Variants in PHACTR3 observed in about 807,000 individuals in gnomAD.
PHACTR3 encodes protein phosphatase 1, regulatory subunit 123.
A neutral mutation model predicts 66.8 loss-of-function variants in PHACTR3; 16 were observed. The observed-to-expected ratio is 0.24, with a 90% CI of 0.16 to 0.36. The LOEUF (loss-of-function observed/expected upper bound fraction) is 0.36. Ranked by LOEUF, PHACTR3 falls within the 10% of genes least tolerant of loss-of-function variation. The pLI, the probability that PHACTR3 is intolerant of heterozygous loss-of-function variation, is 1.00. For missense variants in PHACTR3, 647 were observed against 719.9 expected (o/e 0.90, Z 1.16); for synonymous variants, 323 against 292.1 (o/e 1.11, Z -1.08).
At chr20:59,749,242 A>T (rs1440439256) in intron 3 of PHACTR3, among the ~76,000 whole-genome samples, 2 of 152,174 alleles carry the variant, frequency 1.3e-5, no homozygotes, top group African/African-American at 4.8e-5. Context: ...ATACCTTTGG[A>T]TCTTAGGGAA....
At chr20:59,804,959 C>A (rs1411630122) in intron 7 of PHACTR3, among the ~76,000 whole-genome samples, 1 of 152,156 alleles carries the variant, frequency 6.6e-6, no homozygotes, top group Non-Finnish European at 1.5e-5. Flanking sequence ...ACTTGAGCCC[C>A]CAGGAATTAA....
chr20:59,671,684 G>C (rs553651027), intron 1 of PHACTR3, among the ~76,000 whole-genome samples: 1 of 152,250 alleles, frequency 6.6e-6, no homozygotes, highest in South Asian at 2.1e-4. Flanking sequence ...GAATTGTCCA[G>C]CTGTGATATT....
intron 7 of PHACTR3, among the ~76,000 whole-genome samples, chr20:59,795,346 A>T (rs2041221120): frequency 6.6e-6 from 1 of 152,122 alleles, no homozygotes; most frequent in Non-Finnish European, 1.5e-5. Flanking sequence ...TAGTCAAAGA[A>T]GATACTTGAT....
intron 1 of PHACTR3, among the ~76,000 whole-genome samples, chr20:59,645,133 C>T (rs2035238231): frequency 6.6e-6 from 1 of 151,542 alleles, no homozygotes; most frequent in Non-Finnish European, 1.5e-5. Context: ...TTTTCTATTT[C>T]TGCGTTAATT....
At chr20:59,808,502 T>A (rs1272843721) in intron 8 of PHACTR3, among the ~76,000 whole-genome samples, 2 of 152,182 alleles carry the variant, frequency 1.3e-5, no homozygotes, top group African/African-American at 4.8e-5. Flanking sequence ...CTGGGCTTGG[T>A]AGACAGTGCC....
rs890756056 is a variant in PHACTR3 at position 59,604,697 on chromosome 20, C to T, written c.-318C>T. 1.9e-6 allele frequency: 2 copies of T among 1,031,030 alleles called. No individual in the cohort carries two copies. The highest frequency in any genetic ancestry group is 1.7e-5 in the African/African-American group (1 of 57,700). 63.9% of individuals were successfully genotyped at this position (1,031,030 alleles called of 1,614,324 possible). A position where few individuals can be genotyped will look rare whatever the true frequency, so the allele number is the denominator to read the frequency against. On this transcript the variant is annotated 5_prime_UTR_variant, in exon 1 of 13. Transcript: ENST00000371015. ...CACTGACAAGAAAAAGTTTTTATTTCCTGGTTCAACTTTTTTTTTTTTCCC... is the reference window on the plus strand; with the variant it reads ...CACTGACAAGAAAAAGTTTTTATTTTCTGGTTCAACTTTTTTTTTTTTCCC...
chr20:59,784,840 A>G (rs1230349191), intron 7 of PHACTR3, among the ~76,000 whole-genome samples: 3 of 152,318 alleles, frequency 2.0e-5, no homozygotes, highest in African/African-American at 7.2e-5. Context: ...ACGCATTCAA[A>G]GGCTGCCTCT....
intron 1 of PHACTR3, among the ~76,000 whole-genome samples, chr20:59,713,848 C>CT (rs1568737083): frequency 6.6e-6 from 1 of 151,832 alleles, no homozygotes; most frequent in East Asian, 1.9e-4. Context: ...AATGTTTGAA[C>CT]CACGGTCAAC....
Position 59,781,654 on chromosome 20 carries a change from C to T in PHACTR3, c.1174+7164C>T, listed in dbSNP as rs2040730573. 2.0e-5 allele frequency among the ~76,000 whole-genome samples: 3 copies of T among 152,172 alleles called. No homozygotes were observed. The South Asian group carries it at 6.2e-4, about 32-fold the overall frequency. ...TATTTGTACATTATTTATTTATAAA[C>T]TATACATTAGGGGTACCATGCTAAT... On this transcript the variant is annotated intron_variant, in intron 7 of 12. Coordinates refer to ENST00000371015, the MANE Select transcript of PHACTR3 (RefSeq NM_080672.5).
intron 1 of PHACTR3, among the ~76,000 whole-genome samples, chr20:59,672,404 C>T (rs895008177): frequency 6.6e-5 from 10 of 152,184 alleles, no homozygotes; most frequent in African/African-American, 1.2e-4. Context: ...GGAGAGGAAA[C>T]GCCATGGCCT....
At chr20:59,703,291 G>A (rs1443930981) in intron 1 of PHACTR3, among the ~76,000 whole-genome samples, 2 of 152,142 alleles carry the variant, frequency 1.3e-5, no homozygotes, top group African/African-American at 2.4e-5. Context: ...TTGTTCCTGA[G>A]TCATGCATTT....
At chr20:59,676,047 T>G (rs116626893) in intron 1 of PHACTR3, among the ~76,000 whole-genome samples, 2,579 of 152,320 alleles carry the variant, frequency 0.017, 94 homozygotes, top group African/African-American at 0.058. Flanking sequence ...TGAGGTCCCT[T>G]GGGACTTGGC....
intron 1 of PHACTR3, among the ~76,000 whole-genome samples, chr20:59,618,618 T>C (rs865939855): frequency 2.6e-5 from 4 of 152,298 alleles, no homozygotes; most frequent in Middle Eastern, 3.4e-3. Flanking sequence ...GGGAAGGGTA[T>C]GTGCCATGAG....
At chr20:59,779,404 G>T (rs965699062) in intron 7 of PHACTR3, among the ~76,000 whole-genome samples, 4 of 152,174 alleles carry the variant, frequency 2.6e-5, no homozygotes, top group Admixed American at 2.6e-4. Flanking sequence ...AGAGTATTTT[G>T]CTTTGCCTGG....
chr20:59,783,004 G>T lies in PHACTR3; in HGVS notation c.1174+8514G>T, dbSNP rs931746985. Among the ~76,000 whole-genome samples the T allele has an allele frequency of 5.6e-4, 85 of 152,146 alleles. 5 individuals carry two copies. Among genetic ancestry groups the T allele is most frequent in the Non-Finnish European group, 2.2e-4 (15 of 68,028 alleles). On this transcript the variant is annotated intron_variant, in intron 7 of 12. Transcript: ENST00000371015. ...CCCAGTAGACATACTTGTAAAAAGT[G>T]AATGCTAACGTGTTATTTGAATGCC...
At chr20:59,648,023 C>T (rs574617519) in intron 1 of PHACTR3, among the ~76,000 whole-genome samples, 9 of 152,340 alleles carry the variant, frequency 5.9e-5, no homozygotes, top group African/African-American at 2.2e-4. Flanking sequence ...GGAGGTTCCT[C>T]ATCTTATTAG....
intron 1 of PHACTR3, among the ~76,000 whole-genome samples, chr20:59,742,179 G>A (rs1289085822): frequency 6.6e-6 from 1 of 152,192 alleles, no homozygotes; most frequent in Non-Finnish European, 1.5e-5. Flanking sequence ...TTGTGCGCTG[G>A]GGTTTTCTTT....
intron 1 of PHACTR3, among the ~76,000 whole-genome samples, chr20:59,641,751 TATATATA>T (rs2035109587): frequency 2.0e-5 from 3 of 152,364 alleles, no homozygotes; most frequent in South Asian, 2.1e-4. Flanking sequence ...TACATTTGTG[TATATATA>T]ATATATAATT....
At chr20:59,642,458 G>T (rs1022485432) in intron 1 of PHACTR3, among the ~76,000 whole-genome samples, 3 of 141,430 alleles carry the variant, frequency 2.1e-5, no homozygotes, top group Non-Finnish European at 4.5e-5. Context: ...TTTTGTGTGT[G>T]TTCCTCCAGT....
Sources: gnomAD v4.1 joint callset for allele counts (sites outside exome capture counted in the v4.1 genomes callset) on GRCh38, gnomAD v4.1.1 for gene constraint, MANE v1.5 for transcripts, NCBI Gene and HGNC (gene_info 2026-07-23, HGNC 2026-07-21) for gene names.